ILRUN: variants seen among roughly 807,000 people sequenced by gnomAD.
The protein encoded by ILRUN is protein ILRUN.
ILRUN carries 3 observed loss-of-function variants against 33.8 expected under a neutral mutation model. The observed-to-expected ratio is 0.09, with a 90% CI of 0.04 to 0.23. ILRUN has a LOEUF of 0.23. Among genes scored for constraint, ILRUN ranks in the 10% least tolerant of loss-of-function variants. The pLI is 1.00. For missense variants in ILRUN, 210 were observed against 375.1 expected, an observed-to-expected ratio of 0.56 and a Z score of 3.64; for synonymous variants, 124 against 138.9, an observed-to-expected ratio of 0.89 and a Z score of 0.75.
In ILRUN at chr6:34,646,925, A is replaced by C. The variant is rs902931818; in HGVS notation, c.314-127T>G. Reference sequence around the variant, plus strand: ...TACATACATAAACCTAACCACATATACCTAAGCCATATATTGTCTCACACA... The same window carrying C: ...TACATACATAAACCTAACCACATATCCCTAAGCCATATATTGTCTCACACA... On this transcript the variant is annotated intron_variant, in intron 2 of 4. Coordinates refer to ENST00000374023, the MANE Select transcript of ILRUN (RefSeq NM_024294.4). The surrounding 1 kb of genome is among the most constrained non-coding windows in gnomAD (Gnocchi z 4.9). The C allele has an allele frequency of 1.3e-6, 1 of 764,834 alleles. No individual in the cohort carries two copies. Among genetic ancestry groups the C allele is most frequent in the African/African-American group, 1.7e-5 (1 of 57,620 alleles). 47.4% of individuals were successfully genotyped at this position (764,834 alleles called of 1,614,324 possible).
At chr6:34,663,993 A>G (rs1244063890) in intron 1 of ILRUN, among the ~76,000 whole-genome samples, 2 of 152,122 alleles carry the variant, frequency 1.3e-5, no homozygotes, top group Admixed American at 1.3e-4. Flanking sequence ...TGTAAGAACG[A>G]CTCAGCTTTG....
intron 3 of ILRUN, among the ~76,000 whole-genome samples, chr6:34,622,692 T>A (rs569766044): frequency 6.6e-6 from 1 of 152,232 alleles, no homozygotes; most frequent in South Asian, 2.1e-4. Context: ...AACAATACGA[T>A]TCCACAAAAA....
intron 3 of ILRUN, among the ~76,000 whole-genome samples, chr6:34,630,672 C>T (rs1463944967): frequency 2.6e-5 from 4 of 152,114 alleles, no homozygotes; most frequent in African/African-American, 4.8e-5. Context: ...TGAGCCACAC[C>T]GCCTGGCCCT....
intron 2 of ILRUN, among the ~76,000 whole-genome samples, chr6:34,648,228 T>C (rs1362489007): frequency 2.6e-5 from 4 of 152,206 alleles, no homozygotes; most frequent in Non-Finnish European, 5.9e-5. Context: ...AATAAACCAC[T>C]GTGAAAACTT....
At chr6:34,664,172 C>T (rs907713448) in intron 1 of ILRUN, among the ~76,000 whole-genome samples, 2 of 152,082 alleles carry the variant, frequency 1.3e-5, no homozygotes, top group Non-Finnish European at 2.9e-5. Flanking sequence ...TAAATGTGTG[C>T]GTTTTTAAGT....
chr6:34,682,223 G>A lies in ILRUN; in HGVS notation c.158+14223C>T, dbSNP rs1164498784. Among the ~76,000 whole-genome samples the A allele has an allele frequency of 2.0e-5, 3 of 146,876 alleles. No homozygotes were observed. In the Admixed American group the frequency reaches 2.0e-4, roughly 10 times the overall value. ...TCTGTCACCCAAGCTGGAGTGCAATGGGGCAATCTCAGCTCCCTGCAACCT... is the reference window on the plus strand; with the variant it reads ...TCTGTCACCCAAGCTGGAGTGCAATAGGGCAATCTCAGCTCCCTGCAACCT... On this transcript the variant is annotated intron_variant, in intron 1 of 4. Coordinates refer to ENST00000374023, the MANE Select transcript of ILRUN (RefSeq NM_024294.4).
intron 1 of ILRUN, among the ~76,000 whole-genome samples, chr6:34,680,105 G>A (rs1001703217): frequency 7.2e-5 from 11 of 152,366 alleles, no homozygotes; most frequent in African/African-American, 2.6e-4. Flanking sequence ...GTAATCAGAA[G>A]CACAGGCTAC....
chr6:34,659,028 T>G (rs1762836072), intron 1 of ILRUN, among the ~76,000 whole-genome samples: 1 of 152,234 alleles, frequency 6.6e-6, no homozygotes, highest in African/African-American at 2.4e-5. Context: ...AACGAGCATT[T>G]ACCCTTGTGC....
intron 3 of ILRUN, among the ~76,000 whole-genome samples, chr6:34,642,810 A>G (rs1425859498): frequency 2.8e-5 from 3 of 107,100 alleles, no homozygotes; most frequent in Non-Finnish European, 5.3e-5. Flanking sequence ...CAACATAGGG[A>G]GGTCCCGTCT....
chr6:34,599,376 C>T (rs1053508705), intron 4 of ILRUN, among the ~76,000 whole-genome samples: 89 of 152,114 alleles, frequency 5.9e-4, no homozygotes, highest in African/African-American at 2.1e-3. Context: ...CTAACTATGC[C>T]AGAGGTTCAC....
chr6:34,600,822 C>A (rs1482764190), intron 4 of ILRUN, among the ~76,000 whole-genome samples: 5 of 152,188 alleles, frequency 3.3e-5, no homozygotes, highest in African/African-American at 1.2e-4. Flanking sequence ...AGAAAGCCCA[C>A]AGATGTCAGC....
intron 4 of ILRUN, among the ~76,000 whole-genome samples, chr6:34,597,097 C>T (rs1403517216): frequency 1.3e-5 from 2 of 152,148 alleles, no homozygotes; most frequent in African/African-American, 4.8e-5. Context: ...TCACTCACCC[C>T]CTACTCCCCT....
chr6:34,691,625 G>A (rs141100925), intron 1 of ILRUN, among the ~76,000 whole-genome samples: 3,550 of 152,224 alleles, frequency 0.023, 104 homozygotes, highest in African/African-American at 0.064. Context: ...GTAAAACCCC[G>A]TCTCTACCAA....
At chr6:34,647,150 G>A (rs186868795) in intron 2 of ILRUN, among the ~76,000 whole-genome samples, 49 of 152,254 alleles carry the variant, frequency 3.2e-4, no homozygotes, top group Non-Finnish European at 6.5e-4. Context: ...ACAGGCCCAC[G>A]TTTAGGGGAC....
At chr6:34,622,025 T>A (rs1402531603) in intron 3 of ILRUN, among the ~76,000 whole-genome samples, 1 of 152,202 alleles carries the variant, frequency 6.6e-6, no homozygotes, top group Non-Finnish European at 1.5e-5. Context: ...AAAACGATGC[T>A]GAGAAAACTG....
chr6:34,603,018 AC>A lies in ILRUN; in HGVS notation c.861+3536del, dbSNP rs1457590645. Among the ~76,000 whole-genome samples, 3 of 152,236 alleles carry A rather than the reference AC, an allele frequency of 2.0e-5. No individual in the cohort carries two copies. The East Asian group carries it at 5.8e-4, about 29-fold the overall frequency. ...GCAATCTATTACCTTCATCCTACCA[AC>A]CTTAGCAAGTTAAACTGTAACTATG... is the stretch of plus-strand genomic sequence containing the variant. On this transcript the variant is annotated intron_variant, in intron 4 of 4. Coordinates refer to ENST00000374023, the MANE Select transcript of ILRUN (RefSeq NM_024294.4).
At chr6:34,628,491 C>T (rs1176807139) in intron 3 of ILRUN, among the ~76,000 whole-genome samples, 2 of 152,084 alleles carry the variant, frequency 1.3e-5, no homozygotes, top group African/African-American at 4.8e-5. Flanking sequence ...TGCCACCACG[C>T]CTGGCTAATT....
chr6:34,670,529 C>G (rs1763095262), intron 1 of ILRUN, among the ~76,000 whole-genome samples: 1 of 152,026 alleles, frequency 6.6e-6, no homozygotes, highest in East Asian at 1.9e-4. Flanking sequence ...CTCAACTTTT[C>G]TTTGGTTTGA....
At chr6:34,664,852 G>A (rs973289726) in intron 1 of ILRUN, among the ~76,000 whole-genome samples, 1 of 152,166 alleles carries the variant, frequency 6.6e-6, no homozygotes, top group Non-Finnish European at 1.5e-5. Flanking sequence ...CTATAATGAA[G>A]CATGCCTTTC....
Sources: allele counts gnomAD v4.1 joint callset (sites outside exome capture counted in the v4.1 genomes callset), GRCh38; gene constraint gnomAD v4.1.1; non-coding constraint Gnocchi (gnomAD v3.1); transcripts MANE v1.5; gene names NCBI Gene and HGNC (gene_info 2026-07-23, HGNC 2026-07-21).